The following NAP1L4 variants were observed in gnomAD, a reference collection of about 807,000 sequenced individuals.
NAP1L4 encodes nucleosome assembly protein 1-like 4.
A neutral mutation model predicts 58.2 loss-of-function variants in NAP1L4; 15 were observed. The observed-to-expected ratio is 0.26, with a 90% CI of 0.17 to 0.40. The LOEUF is 0.40. Among genes scored for constraint, NAP1L4 ranks in the 10% least tolerant of loss-of-function variants. The pLI is 1.00. For synonymous variants in NAP1L4, 171 were observed against 155.6 expected, an observed-to-expected ratio of 1.10 and a Z score of -0.74; for missense variants, 384 against 451.1, an observed-to-expected ratio of 0.85 and a Z score of 1.35.
chr11:2,959,675 T>C lies in NAP1L4; in HGVS notation c.746+95A>G. On this transcript the variant is annotated intron_variant, in intron 9 of 15. Coordinates refer to ENST00000380542, the MANE Select transcript of NAP1L4 (RefSeq NM_005969.4). This position sits in a 1 kb window ranked among gnomAD's most constrained non-coding sequence, Gnocchi z 4.9. Reference sequence around the variant, plus strand: ...TTAGGCTTTTAAGCAGACTCAAGACTGTACTTTATTCCTTACTTCTATCTT... The same window carrying C: ...TTAGGCTTTTAAGCAGACTCAAGACCGTACTTTATTCCTTACTTCTATCTT... The C allele has an allele frequency of 6.9e-7, 1 of 1,442,348 alleles. No homozygotes were observed. Among genetic ancestry groups the C allele is most frequent in the South Asian group, 1.3e-5 (1 of 79,680 alleles). The allele number at this position is 1,442,348 out of a possible 1,614,324, so 89.3% of individuals were successfully genotyped here. A position where few individuals can be genotyped will look rare whatever the true frequency, so the allele number is the denominator to read the frequency against.
chr11:2,964,220 T>C (rs1564980044), intron 8 of NAP1L4, among the ~76,000 whole-genome samples: 1 of 152,148 alleles, frequency 6.6e-6, no homozygotes, highest in Non-Finnish European at 1.5e-5. Flanking sequence ...ACGTTAAACA[T>C]ATACATTAGA....
At position 2,978,117 on chromosome 11, in the gene NAP1L4, T is replaced by C. The variant is rs551959994; in HGVS notation, c.73+167A>G. ...TACTACTGTAGAGTCTGAATTCCTA[T>C]AATAAATACATCTTTTGTTAATGAG... On this transcript the variant is annotated intron_variant, in intron 3 of 15. Coordinates refer to ENST00000380542, the MANE Select transcript of NAP1L4 (RefSeq NM_005969.4). Among the ~76,000 whole-genome samples, 29 of 152,384 alleles carry C rather than the reference T, an allele frequency of 1.9e-4. No individual in the cohort carries two copies. In the East Asian group the frequency reaches 5.2e-3, roughly 27 times the overall value.
intron 15 of NAP1L4, among the ~76,000 whole-genome samples, chr11:2,947,375 G>A (rs566143541): frequency 3.3e-5 from 5 of 152,152 alleles, no homozygotes; most frequent in East Asian, 1.9e-4. Flanking sequence ...TCTCAAGACC[G>A]GTGTCATGAC....
chr11:2,980,753 CA>C (rs1848252638), intron 1 of NAP1L4, among the ~76,000 whole-genome samples: 1 of 152,148 alleles, frequency 6.6e-6, no homozygotes, highest in Admixed American at 6.5e-5. Flanking sequence ...CTATATTTAA[CA>C]AAAACAGTTC....
Position 2,964,761 on chromosome 11 carries a change from A to G in NAP1L4, c.535-10T>C. 6.2e-7 allele frequency: 1 copy of G among 1,605,014 alleles called. No individual in the cohort carries two copies. Among genetic ancestry groups the G allele is most frequent in the South Asian group, 1.1e-5 (1 of 90,798 alleles). On this transcript the variant is annotated splice_polypyrimidine_tract_variant and intron_variant, in intron 7 of 15. Coordinates refer to ENST00000380542, the MANE Select transcript of NAP1L4 (RefSeq NM_005969.4). ...TTGGTTCATCATATTCCTAATCAAA[A>G]AGAGAAAAAAAATTCCAACAGGCTT...
rs144130231 is a variant in NAP1L4, at chr11:2,970,254, T to C, written c.403-320A>G. On this transcript the variant is annotated intron_variant, in intron 6 of 15. Transcript: ENST00000380542. ...TCTGTGAGGTGCCATCCTGAGACAA[T>C]CATCATCACAAATGCAGATGCAAAG... Among the ~76,000 whole-genome samples, 708 of 152,150 alleles carry C rather than the reference T, an allele frequency of 4.7e-3. 3 individuals carry two copies. The highest frequency in any genetic ancestry group is 7.9e-3 in the Non-Finnish European group (540 of 68,000).
chr11:2,973,585 C>G (rs940559268), intron 4 of NAP1L4, among the ~76,000 whole-genome samples: 2 of 152,122 alleles, frequency 1.3e-5, no homozygotes, highest in Admixed American at 1.3e-4. Flanking sequence ...GGACCACTCT[C>G]CTGGGTGAAA....
Position 2,949,933 on chromosome 11 carries a change from C to T in NAP1L4, c.1123-669G>A, listed in dbSNP as rs895561302. Among the ~76,000 whole-genome samples the T allele has an allele frequency of 1.3e-5, 2 of 152,246 alleles. No individual in the cohort carries two copies. The highest frequency in any genetic ancestry group is 4.8e-5 in the African/African-American group (2 of 41,464). On this transcript the variant is annotated intron_variant, in intron 14 of 15. Coordinates refer to ENST00000380542, the MANE Select transcript of NAP1L4 (RefSeq NM_005969.4). The surrounding 1 kb of genome is among the most constrained non-coding windows in gnomAD (Gnocchi z 4.0). Reference sequence around the variant, plus strand: ...GGTGGCCCTGCCAATTGACCCCAGTCCTTGCTTTACAACTGCAACCTTAAA... The same window carrying T: ...GGTGGCCCTGCCAATTGACCCCAGTTCTTGCTTTACAACTGCAACCTTAAA...
In NAP1L4 at chr11:2,955,888, C is replaced by T. The variant is rs1846511327; in HGVS notation, c.893-122G>A. 1 of 850,022 alleles carries T rather than the reference C, an allele frequency of 1.2e-6. No homozygotes were observed. The highest frequency in any genetic ancestry group is 1.9e-6 in the Non-Finnish European group (1 of 540,000). The allele number at this position is 850,022 out of a possible 1,614,324, so 52.7% of individuals were successfully genotyped here. On this transcript the variant is annotated intron_variant, in intron 10 of 15. Transcript: ENST00000380542. The surrounding 1 kb of genome is among the most constrained non-coding windows in gnomAD (Gnocchi z 4.2). ...TAACATTTCTCACCTCGAGGTTTAA[C>T]AGAAATCCCCAAAGCCTTGCATCTC...
rs1845836551 is a variant in NAP1L4, at chr11:2,944,491, C to T, written c.*1188G>A. ...CTAACTATTCTGTACAAATTGAAAA[C>T]ACTGTATTCAGTTACAAATGTGTTC... On this transcript the variant is annotated 3_prime_UTR_variant, in exon 16 of 16. Transcript: ENST00000380542. The T allele has an allele frequency of 6.6e-6, 1 of 152,304 alleles. No homozygotes were observed. The highest frequency in any genetic ancestry group is 2.4e-5 in the African/African-American group (1 of 41,474). 9.4% of individuals were successfully genotyped at this position (152,304 alleles called of 1,614,324 possible). A position where few individuals can be genotyped will look rare whatever the true frequency, so the allele number is the denominator to read the frequency against.
At chr11:2,967,055 T>C (rs531388623) in intron 7 of NAP1L4, among the ~76,000 whole-genome samples, 1 of 152,144 alleles carries the variant, frequency 6.6e-6, no homozygotes, top group Non-Finnish European at 1.5e-5. Flanking sequence ...ATTTCAACTA[T>C]CCCCAAATTT....
At chr11:2,956,289 T>C (rs1394321383) in intron 10 of NAP1L4, among the ~76,000 whole-genome samples, 1 of 151,826 alleles carries the variant, frequency 6.6e-6, no homozygotes, top group Non-Finnish European at 1.5e-5. Context: ...CCCTGTAGAG[T>C]GGCGCAATTC....
chr11:2,949,928 CCA>C lies in NAP1L4; in HGVS notation c.1123-666_1123-665del, dbSNP rs1246926803. On this transcript the variant is annotated intron_variant, in intron 14 of 15. Transcript: ENST00000380542. This position sits in a 1 kb window ranked among gnomAD's most constrained non-coding sequence, Gnocchi z 4.0. ...GAGGAGGTGGCCCTGCCAATTGACC[CCA>C]GTCCTTGCTTTACAACTGCAACCTT... is the stretch of plus-strand genomic sequence containing the variant. 6.6e-6 allele frequency among the ~76,000 whole-genome samples: 1 copy of C among 152,236 alleles called. No homozygotes were observed. The highest frequency in any genetic ancestry group is 2.4e-5 in the African/African-American group (1 of 41,454).
chr11:2,963,327 C>T (rs1344431638), intron 8 of NAP1L4, among the ~76,000 whole-genome samples: 1 of 152,104 alleles, frequency 6.6e-6, no homozygotes, highest in Non-Finnish European at 1.5e-5. Context: ...GGCAGACGTG[C>T]CCAGGCGGCT....
intron 1 of NAP1L4, among the ~76,000 whole-genome samples, chr11:2,982,966 G>A (rs556702802): frequency 6.6e-5 from 10 of 152,240 alleles, no homozygotes; most frequent in African/African-American, 2.4e-4. Context: ...TTTGCAGTGA[G>A]CAAAGATTGC....
rs959365974 is a variant in NAP1L4, at chr11:2,971,753, G to A, written c.316-219C>T. Among the ~76,000 whole-genome samples, 7 of 152,180 alleles carry A rather than the reference G, an allele frequency of 4.6e-5. No homozygotes were observed. The highest frequency in any genetic ancestry group is 1.7e-4 in the African/African-American group (7 of 41,438). ...AAGATGTAAAATAAAGACAGTCCCC[G>A]ATTTCCAATGGTTCAGCTAAAGATT... On this transcript the variant is annotated intron_variant, in intron 5 of 15. Transcript: ENST00000380542. The surrounding 1 kb of genome is among the most constrained non-coding windows in gnomAD (Gnocchi z 4.2).
intron 7 of NAP1L4, among the ~76,000 whole-genome samples, chr11:2,965,554 CTTTA>C (rs1200316124): frequency 6.6e-6 from 1 of 152,128 alleles, no homozygotes; most frequent in Non-Finnish European, 1.5e-5. Context: ...ACAGTCACTT[CTTTA>C]TTTTTTTTGA....
At chr11:2,957,630 G>A (rs4758590) in intron 10 of NAP1L4, among the ~76,000 whole-genome samples, 127,963 of 152,234 alleles carry the variant, frequency 0.84, 54,212 homozygotes, top group African/African-American at 0.94. Context: ...ACATTTTCTC[G>A]CGATTAGGAA....
chr11:2,980,078 AGAT>A (rs1358510206), intron 1 of NAP1L4, among the ~76,000 whole-genome samples: 2 of 152,208 alleles, frequency 1.3e-5, no homozygotes, highest in Non-Finnish European at 2.9e-5. Flanking sequence ...CCACTTTTAA[AGAT>A]GATTATTTCT....
Sources: gnomAD v4.1 joint callset for allele counts (sites outside exome capture counted in the v4.1 genomes callset) on GRCh38, gnomAD v4.1.1 for gene constraint, Gnocchi (gnomAD v3.1) non-coding constraint, MANE v1.5 for transcripts, NCBI Gene and HGNC (gene_info 2026-07-23, HGNC 2026-07-21) for gene names.